Variants in DTL observed in about 807,000 individuals in gnomAD.
The protein encoded by DTL is denticleless E3 ubiquitin protein ligase adapter, also known as denticleless protein homolog.
In DTL, 46 loss-of-function variants were observed where a neutral mutation model predicts 87.0. That is an observed-to-expected ratio of 0.53 (90% CI 0.42 to 0.68). The LOEUF (loss-of-function observed/expected upper bound fraction) is 0.68, where lower values mean the gene tolerates loss of function less well. DTL is among the 30% of genes least tolerant of loss of function. DTL has a pLI of 0.00. For missense variants in DTL, 737 were observed against 869.4 expected (o/e 0.85, Z 1.91); for synonymous variants, 308 against 311.2 (o/e 0.99, Z 0.11).
At position 212,101,036 on chromosome 1, in the gene DTL, C is replaced by G. The variant is rs371832381; in HGVS notation, c.2046C>G (p.Ser682=). The G allele has an allele frequency of 6.8e-6, 11 of 1,613,382 alleles. No individual in the cohort carries two copies. The highest frequency in any genetic ancestry group is 8.5e-6 in the Non-Finnish European group (10 of 1,179,636). ...ATCCATCTCCACGAAGTCCGTCATC[C>G]CAGACACCCAATTCCAGGAGACAGA... ...AENPSPRSPS[S]QTPNSRRQSG... is the part of the protein sequence containing the mutation. The change falls in exon 14 of 15, where the codon TCC becomes TCG. Residue 682 remains serine (S), a synonymous_variant. Coordinates refer to ENST00000366991, the MANE Select transcript of DTL (RefSeq NM_016448.4).
intron 5 of DTL, among the ~76,000 whole-genome samples, chr1:212,061,972 A>G (rs749990246): frequency 6.6e-6 from 1 of 152,220 alleles, no homozygotes; most frequent in Non-Finnish European, 1.5e-5. Context: ...AAATTATTGT[A>G]TATTTCAAGC....
rs1256975276 is a variant in DTL, at chr1:212,101,544, T to C, written c.2094+460T>C. On this transcript the variant is annotated intron_variant, in intron 14 of 14. Coordinates refer to ENST00000366991, the MANE Select transcript of DTL (RefSeq NM_016448.4). ...CAACATCCATAAGTAGATTTCCAGTTTGTAATTCCATTTTGTGATTATTTA... is the reference window on the plus strand; with the variant it reads ...CAACATCCATAAGTAGATTTCCAGTCTGTAATTCCATTTTGTGATTATTTA... Among the ~76,000 whole-genome samples the C allele has an allele frequency of 2.0e-5, 3 of 152,196 alleles. No homozygotes were observed. In the East Asian group the frequency reaches 5.8e-4, roughly 29 times the overall value.
At chr1:212,078,089 C>CT (rs1654885337) in intron 11 of DTL, 84 bp from the exon 12 acceptor site, 7 of 841,470 alleles carry the variant, frequency 8.3e-6, no homozygotes, top group Non-Finnish European at 1.4e-5. Context: ...CTAAAGCTCT[C>CT]TAAGACACAC....
chr1:212,047,601 C>T (rs1423712729), intron 5 of DTL, among the ~76,000 whole-genome samples, 184 bp downstream of exon 5: 2 of 152,188 alleles, frequency 1.3e-5, no homozygotes, highest in Non-Finnish European at 2.9e-5. Context: ...GGCGCCATCT[C>T]GGCTCACTGC....
chr1:212,058,877 T>A (rs1445827927), intron 5 of DTL, among the ~76,000 whole-genome samples: 3 of 151,906 alleles, frequency 2.0e-5, no homozygotes, highest in Non-Finnish European at 4.4e-5. Flanking sequence ...AATACAGAAA[T>A]ACAAAAGATC....
intron 13 of DTL, among the ~76,000 whole-genome samples, chr1:212,091,150 T>C (rs985805736): frequency 1.3e-5 from 2 of 152,178 alleles, no homozygotes; most frequent in Admixed American, 6.5e-5. Context: ...AGGGCCTGAA[T>C]AGACATTTCT....
chr1:212,068,334 C>CT lies in DTL; in HGVS notation c.817+10dup, dbSNP rs774982630. The CT allele has an allele frequency of 2.6e-6, 4 of 1,556,768 alleles. No homozygotes were observed. In the South Asian group the frequency reaches 4.7e-5, roughly 18 times the overall value. ...AGCAGCACTCGAAAACTTGGTAAGC[C>CT]TTTAATAGGTCTTTTGGGGGAGATA... is the stretch of plus-strand genomic sequence containing the variant. On this transcript the variant is annotated splice_region_variant and intron_variant, in intron 9 of 14. Transcript: ENST00000366991.
intron 13 of DTL, among the ~76,000 whole-genome samples, chr1:212,085,278 C>T (rs1655100419): frequency 6.6e-6 from 1 of 152,110 alleles, no homozygotes; most frequent in African/African-American, 2.4e-5. Flanking sequence ...AATGAGGGTT[C>T]CAATTTCTCT....
intron 13 of DTL, among the ~76,000 whole-genome samples, 185 bp downstream of exon 13, chr1:212,080,935 A>G (rs1051196537): frequency 6.6e-6 from 1 of 152,146 alleles, no homozygotes; most frequent in Non-Finnish European, 1.5e-5. Context: ...TACACAAGGT[A>G]CTACAGTGGT....
intron 8 of DTL, among the ~76,000 whole-genome samples, chr1:212,067,450 T>G (rs73089282): frequency 0.072 from 10,891 of 152,216 alleles, 651 homozygotes; most frequent in African/African-American, 0.16. Context: ...AGAATATTAA[T>G]TCTATGCAAA....
At chr1:212,077,001 A>G (rs1055691900) in intron 11 of DTL, among the ~76,000 whole-genome samples, 1 of 152,164 alleles carries the variant, frequency 6.6e-6, no homozygotes, top group Non-Finnish European at 1.5e-5. Flanking sequence ...TTAATGATTG[A>G]GTTGAATAAC....
At chr1:212,097,012 C>G (rs1430423733) in intron 13 of DTL, among the ~76,000 whole-genome samples, 1 of 152,112 alleles carries the variant, frequency 6.6e-6, no homozygotes, top group Non-Finnish European at 1.5e-5. Flanking sequence ...TTTAGAACTC[C>G]TTTTAGCAGT....
At chr1:212,098,629 C>T (rs551421348) in intron 13 of DTL, among the ~76,000 whole-genome samples, 25 of 152,122 alleles carry the variant, frequency 1.6e-4, no homozygotes, top group African/African-American at 4.1e-4. Context: ...AATGGAGTTA[C>T]GTTCTAAGGG....
intron 13 of DTL, among the ~76,000 whole-genome samples, chr1:212,083,836 T>A (rs1655051888): frequency 6.6e-6 from 1 of 152,202 alleles, no homozygotes; most frequent in African/African-American, 2.4e-5. Context: ...CACAACCTTG[T>A]GGAATGCTCA....
chr1:212,043,544 G>T (rs1667717541), intron 2 of DTL, among the ~76,000 whole-genome samples: 1 of 152,070 alleles, frequency 6.6e-6, no homozygotes, highest in Non-Finnish European at 1.5e-5. Flanking sequence ...GGACGCCAAG[G>T]TAGGTCTGGG....
At chr1:212,083,448 G>A (rs1655042256) in intron 13 of DTL, among the ~76,000 whole-genome samples, 1 of 152,164 alleles carries the variant, frequency 6.6e-6, no homozygotes, top group Admixed American at 6.5e-5. Context: ...TGTAAATGTG[G>A]TACTAGCAGT....
intron 13 of DTL, among the ~76,000 whole-genome samples, chr1:212,092,384 C>G (rs1002550933): frequency 2.0e-5 from 3 of 151,956 alleles, no homozygotes; most frequent in Admixed American, 2.0e-4. Context: ...AAATACAAAA[C>G]TTAGGTGTGG....
At chr1:212,052,813 A>G (rs981816690) in intron 5 of DTL, among the ~76,000 whole-genome samples, 2 of 150,156 alleles carry the variant, frequency 1.3e-5, no homozygotes, top group Non-Finnish European at 3.0e-5. Context: ...GTTTTTTTTC[A>G]GTTATCCTAA....
At chr1:212,102,650 T>C (rs1655657269) in intron 14 of DTL, among the ~76,000 whole-genome samples, 192 bp from the exon 15 acceptor site, 1 of 152,238 alleles carries the variant, frequency 6.6e-6, no homozygotes, top group Non-Finnish European at 1.5e-5. Context: ...TTTCCCTACA[T>C]ATCATCTGTT....
Sources: gnomAD v4.1 joint callset for allele counts (sites outside exome capture counted in the v4.1 genomes callset) on GRCh38, gnomAD v4.1.1 for gene constraint, MANE v1.5 for transcripts, NCBI Gene and HGNC (gene_info 2026-07-23, HGNC 2026-07-21) for gene names.